The following THSD7B variants were observed in gnomAD, a reference collection of about 807,000 sequenced individuals.
THSD7B encodes the protein thrombospondin type 1 domain containing 7B.
In THSD7B, 138 loss-of-function variants were observed where a neutral mutation model predicts 213.6. That is an observed-to-expected ratio of 0.65 (90% CI 0.56 to 0.74). The LOEUF is 0.74. THSD7B is among the 30% of genes least tolerant of loss of function. The pLI, the probability that THSD7B is intolerant of heterozygous loss-of-function variation, is 0.00. For missense variants in THSD7B, 1,931 were observed against 1,991.5 expected (o/e 0.97, Z 0.58); for synonymous variants, 742 against 687.0 (o/e 1.08, Z -1.25).
intron 2 of THSD7B, chr2:136,990,891 G>A (rs763630627): frequency 6.7e-6 from 9 of 1,347,128 alleles, no homozygotes; most frequent in African/African-American, 3.0e-5. Flanking sequence ...GAGGCGAAAC[G>A]ATGCATAACA....
chr2:137,386,870 G>T (rs1271441626), intron 12 of THSD7B, among the ~76,000 whole-genome samples: 1 of 152,048 alleles, frequency 6.6e-6, no homozygotes, highest in Admixed American at 6.5e-5. Context: ...CTATCCTACC[G>T]TTAACAGCAA....
At chr2:137,299,136 C>T (rs191444492) in intron 12 of THSD7B, among the ~76,000 whole-genome samples, 6 of 152,280 alleles carry the variant, frequency 3.9e-5, no homozygotes, top group Non-Finnish European at 7.4e-5. Context: ...TTTGCATCAG[C>T]ATGATCTGAA....
intron 2 of THSD7B, among the ~76,000 whole-genome samples, chr2:136,954,731 A>G (rs1178273494): frequency 6.6e-6 from 1 of 150,716 alleles, no homozygotes; most frequent in East Asian, 1.9e-4. Context: ...AAAAAAAAAA[A>G]AAAGAAATTA....
chr2:137,417,644 G>A (rs542048965), intron 14 of THSD7B, among the ~76,000 whole-genome samples: 4 of 151,606 alleles, frequency 2.6e-5, no homozygotes, highest in South Asian at 2.1e-4. Flanking sequence ...TGTTGCTCAC[G>A]CTGGTCTCAA....
chr2:137,023,466 A>G (rs1204991916), intron 2 of THSD7B, among the ~76,000 whole-genome samples: 1 of 152,206 alleles, frequency 6.6e-6, no homozygotes, highest in Non-Finnish European at 1.5e-5. Flanking sequence ...AATTCAAAGC[A>G]GAGCCTGGGA....
chr2:137,634,604 C>G (rs1331453946), intron 20 of THSD7B, among the ~76,000 whole-genome samples: 2 of 152,186 alleles, frequency 1.3e-5, no homozygotes, highest in Non-Finnish European at 2.9e-5. Context: ...CCAGTAAATT[C>G]AATGACTATG....
intron 7 of THSD7B, among the ~76,000 whole-genome samples, chr2:137,225,188 A>T (rs1681468981): frequency 6.6e-6 from 1 of 152,126 alleles, no homozygotes; most frequent in African/African-American, 2.4e-5. Flanking sequence ...TTGAGTCTTT[A>T]CTTATGTGGC....
intron 12 of THSD7B, among the ~76,000 whole-genome samples, chr2:137,342,653 A>G (rs1684786674): frequency 1.3e-5 from 2 of 151,614 alleles, no homozygotes; most frequent in African/African-American, 4.8e-5. Context: ...GGCTTCTCAT[A>G]TATGGCCTTT....
intron 2 of THSD7B, among the ~76,000 whole-genome samples, chr2:137,005,167 G>T (rs1172489646): frequency 6.6e-6 from 1 of 151,982 alleles, no homozygotes; most frequent in Non-Finnish European, 1.5e-5. Context: ...CTAAAATGTT[G>T]TCAGGCTTTT....
At chr2:137,119,768 A>G (rs1573835057) in intron 5 of THSD7B, among the ~76,000 whole-genome samples, 1 of 152,176 alleles carries the variant, frequency 6.6e-6, no homozygotes, top group South Asian at 2.1e-4. Context: ...TTAAGCTTGT[A>G]AAAACATTAG....
rs1270947387 is a variant in THSD7B, at chr2:137,004,699, A to G, written c.140-51721A>G. On this transcript the variant is annotated intron_variant, in intron 2 of 27. Coordinates refer to ENST00000409968, the MANE Select transcript of THSD7B (RefSeq NM_001316349.2). ...ATACCATCTCAAATTCGGGTAAAAT[A>G]ATCAGATAGCTATTGGACATTTTAT... is the stretch of plus-strand genomic sequence containing the variant. 3.3e-5 allele frequency among the ~76,000 whole-genome samples: 5 copies of G among 152,338 alleles called. No individual in the cohort carries two copies. The East Asian group carries it at 9.6e-4, about 29-fold the overall frequency.
At chr2:137,097,159 T>C (rs1382129606) in intron 4 of THSD7B, among the ~76,000 whole-genome samples, 1 of 152,008 alleles carries the variant, frequency 6.6e-6, no homozygotes, top group Non-Finnish European at 1.5e-5. Context: ...ATTTTTTTTT[T>C]CATGGGATAG....
At chr2:136,852,300 C>A (rs904378594) in intron 1 of THSD7B, among the ~76,000 whole-genome samples, 1 of 139,874 alleles carries the variant, frequency 7.1e-6, no homozygotes, top group African/African-American at 2.5e-5. Flanking sequence ...GGGCTGAAAG[C>A]TGGCAAACAA....
chr2:137,558,230 T>C lies in THSD7B; in HGVS notation c.3139-4991T>C, dbSNP rs189365476. 8.6e-3 allele frequency among the ~76,000 whole-genome samples: 1,312 copies of C among 152,316 alleles called. 29 individuals are homozygous for C. The highest frequency in any genetic ancestry group is 0.031 in the African/African-American group (1,270 of 41,562). The stretch of plus-strand genomic sequence containing the variant: ...TCATTTTATGAGGCCAGCATCATCC[T>C]GATACCAAAGCCTGGCAGAGACACA... On this transcript the variant is annotated intron_variant, in intron 15 of 27. Transcript: ENST00000409968.
chr2:137,363,079 A>T (rs1685307567), intron 12 of THSD7B, among the ~76,000 whole-genome samples: 1 of 152,242 alleles, frequency 6.6e-6, no homozygotes, highest in African/African-American at 2.4e-5. Context: ...AGGATTAAGA[A>T]ACTCACTCAA....
At chr2:136,769,647 G>A (rs1484837176) in intron 1 of THSD7B, among the ~76,000 whole-genome samples, 2 of 152,076 alleles carry the variant, frequency 1.3e-5, no homozygotes, top group South Asian at 2.1e-4. Context: ...TAAAAGCATC[G>A]CTAAATTCAT....
chr2:137,199,758 G>A (rs1472376466), intron 7 of THSD7B, among the ~76,000 whole-genome samples: 1 of 152,126 alleles, frequency 6.6e-6, no homozygotes, highest in Non-Finnish European at 1.5e-5. Flanking sequence ...AAGTTATTGT[G>A]TATGTTCTCC....
chr2:137,613,824 C>T (rs1337779041), intron 17 of THSD7B, among the ~76,000 whole-genome samples: 1 of 152,082 alleles, frequency 6.6e-6, no homozygotes, highest in Non-Finnish European at 1.5e-5. Flanking sequence ...TCACACTCCT[C>T]CATCTCTCTT....
intron 10 of THSD7B, among the ~76,000 whole-genome samples, chr2:137,264,631 A>C (rs1316591999): frequency 6.6e-6 from 1 of 152,056 alleles, no homozygotes; most frequent in African/African-American, 2.4e-5. Context: ...CTTTTTGAAT[A>C]AATGCCAAGT....
Sources: allele counts gnomAD v4.1 joint callset (sites outside exome capture counted in the v4.1 genomes callset), GRCh38; gene constraint gnomAD v4.1.1; transcripts MANE v1.5; gene names NCBI Gene and HGNC (gene_info 2026-07-23, HGNC 2026-07-21).